Variants in ADRA1A observed in about 807,000 individuals in gnomAD.
ADRA1A encodes the protein alpha-1A adrenergic receptor.
Under a neutral mutation model 29.6 loss-of-function variants are expected in ADRA1A, and 31 were observed. That is an observed-to-expected ratio of 1.05 (90% CI 0.79 to 1.41). The LOEUF (loss-of-function observed/expected upper bound fraction) is 1.41, where lower values mean the gene tolerates loss of function less well. ADRA1A is among the 40% of genes most tolerant of loss of function. The pLI is 0.00. For missense variants in ADRA1A, 619 were observed against 601.1 expected (o/e 1.03, Z -0.31); for synonymous variants, 311 against 254.3 (o/e 1.22, Z -2.12).
chr8:26,849,878 A>T (rs1428429997), intron 2 of ADRA1A, among the ~76,000 whole-genome samples: 1 of 152,098 alleles, frequency 6.6e-6, no homozygotes, highest in African/African-American at 2.4e-5. Context: ...GAAGATGGAC[A>T]GTGTGCCCAC....
chr8:26,779,068 C>T (rs4732646), intron 2 of ADRA1A: 93,781 of 376,532 alleles, frequency 0.25, 16,208 homozygotes, highest in East Asian at 0.8. Context: ...ATTTATTTCA[C>T]GGTACATATC....
Position 26,865,388 on chromosome 8 carries a change from G to C in ADRA1A, c.-419C>G, listed in dbSNP as rs1813833000. On this transcript the variant is annotated 5_prime_UTR_variant, in exon 2 of 3. Coordinates refer to ENST00000380573, the MANE Select transcript of ADRA1A (RefSeq NM_000680.4). The surrounding 1 kb of genome is among the most constrained non-coding windows in gnomAD (Gnocchi z 7.6). Reference sequence around the variant, plus strand: ...TGGCTGGGGGAAGATTCAGCATTCTGCACATGATTCGGAATTCAAAACTCC... The same window carrying C: ...TGGCTGGGGGAAGATTCAGCATTCTCCACATGATTCGGAATTCAAAACTCC... 2 of 1,015,016 alleles carry C rather than the reference G, an allele frequency of 2.0e-6. No homozygotes were observed. Among genetic ancestry groups the C allele is most frequent in the African/African-American group, 3.5e-5 (2 of 57,960 alleles). 62.9% of individuals were successfully genotyped at this position (1,015,016 alleles called of 1,614,324 possible).
At chr8:26,774,667 T>TAA (rs778840683) in intron 2 of ADRA1A, among the ~76,000 whole-genome samples, 6 of 131,228 alleles carry the variant, frequency 4.6e-5, no homozygotes, top group Non-Finnish European at 8.3e-5. Flanking sequence ...AACCCCTGTC[T>TAA]AAAAAAAAAA....
intron 2 of ADRA1A, among the ~76,000 whole-genome samples, chr8:26,780,121 C>T (rs747955843): frequency 1.3e-5 from 2 of 151,104 alleles, no homozygotes; most frequent in African/African-American, 2.4e-5. Flanking sequence ...CATTCAAGGC[C>T]CCTTTATTAT....
At chr8:26,800,167 G>A (rs34351589) in intron 2 of ADRA1A, among the ~76,000 whole-genome samples, 13,201 of 152,150 alleles carry the variant, frequency 0.087, 906 homozygotes, top group East Asian at 0.33. Flanking sequence ...GCTGAGGCAA[G>A]AGAATTGCTT....
intron 2 of ADRA1A, among the ~76,000 whole-genome samples, chr8:26,785,948 A>T (rs907993837): frequency 3.9e-5 from 6 of 152,024 alleles, no homozygotes; most frequent in Non-Finnish European, 7.4e-5. Flanking sequence ...GTCAGGCCCT[A>T]CTCAGCCACA....
At position 26,839,349 on chromosome 8, in the gene ADRA1A, G is replaced by A. The variant is rs370459671; in HGVS notation, c.883+24738C>T. On this transcript the variant is annotated intron_variant, in intron 2 of 2. Coordinates refer to ENST00000380573, the MANE Select transcript of ADRA1A (RefSeq NM_000680.4). ...CATTTTTTGTGTCTTTAGTAGAGAC[G>A]GGGTTTCACTGTGTTAGCCAGGATG... Among the ~76,000 whole-genome samples, 23 of 152,112 alleles carry A rather than the reference G, an allele frequency of 1.5e-4. No individual in the cohort carries two copies. In the East Asian group the frequency reaches 4.3e-3, roughly 28 times the overall value.
chr8:26,826,633 T>C (rs940024267), intron 2 of ADRA1A, among the ~76,000 whole-genome samples: 1 of 152,210 alleles, frequency 6.6e-6, no homozygotes, highest in African/African-American at 2.4e-5. Context: ...GTCTGACCCC[T>C]GCGGTGCTCA....
chr8:26,779,323 C>T (rs1343192334), intron 2 of ADRA1A: 1 of 702,910 alleles, frequency 1.4e-6, no homozygotes, highest in Non-Finnish European at 2.6e-6. Flanking sequence ...GAAACACCTT[C>T]CAAATTTTCC....
chr8:26,751,264 T>C (rs961438728), intron 2 of ADRA1A, among the ~76,000 whole-genome samples: 1 of 152,164 alleles, frequency 6.6e-6, no homozygotes, highest in African/African-American at 2.4e-5. Context: ...AATGAGTATA[T>C]GGATCAGAAC....
Position 26,833,166 on chromosome 8 carries a change from G to T in ADRA1A, c.883+30921C>A, listed in dbSNP as rs183671135. On this transcript the variant is annotated intron_variant, in intron 2 of 2. Transcript: ENST00000380573. ...AGTATAAAATTTATTTCTAACACTG[G>T]TGAGTCTGAAGCCTCACTGGACCCC... 3.9e-4 allele frequency among the ~76,000 whole-genome samples: 59 copies of T among 152,272 alleles called. No homozygotes were observed. In the East Asian group the frequency reaches 6.4e-3, roughly 16 times the overall value.
intron 2 of ADRA1A, among the ~76,000 whole-genome samples, chr8:26,847,499 T>C (rs1397301324): frequency 1.3e-5 from 2 of 152,192 alleles, no homozygotes; most frequent in East Asian, 3.9e-4. Context: ...AAATTCCAGG[T>C]AAATGTCCAA....
rs370470689 is a variant in ADRA1A at position 26,855,508 on chromosome 8, A to C, written c.883+8579T>G. On this transcript the variant is annotated intron_variant, in intron 2 of 2. Transcript: ENST00000380573. ...AGGAGAAATATAAGTGATGGATAAAAATATAAAAAGAAATGTTCAAATAAG... is the reference window on the plus strand; with the variant it reads ...AGGAGAAATATAAGTGATGGATAAACATATAAAAAGAAATGTTCAAATAAG... 3.9e-5 allele frequency among the ~76,000 whole-genome samples: 6 copies of C among 152,158 alleles called. No homozygotes were observed. In the East Asian group the frequency reaches 1.2e-3, roughly 29 times the overall value.
intron 2 of ADRA1A, among the ~76,000 whole-genome samples, chr8:26,838,612 A>AC (rs1275400528): frequency 6.6e-6 from 1 of 152,224 alleles, no homozygotes; most frequent in African/African-American, 2.4e-5. Flanking sequence ...CACTTTCATC[A>AC]TTCAGCTGGT....
In ADRA1A at chr8:26,864,156, T is replaced by C. The variant is rs1813685951; in HGVS notation, c.814A>G (p.Lys272Glu). 6.2e-7 allele frequency: 1 copy of C among 1,614,020 alleles called. No homozygotes were observed. Among genetic ancestry groups the C allele is most frequent in the Non-Finnish European group, 8.5e-7 (1 of 1,180,042 alleles). The change falls in exon 2 of 3, where the codon AAA (lysine) becomes GAA (glutamate). Residue 272 changes from lysine (K) to glutamate (E), a missense_variant. By Grantham distance (56) the Lys-to-Glu change is moderately conservative (BLOSUM62 1). Coordinates refer to ENST00000380573, the MANE Select transcript of ADRA1A (RefSeq NM_000680.4). The surrounding 1 kb of genome is among the most constrained non-coding windows in gnomAD (Gnocchi z 8.1). ...CAGCCGACCACGATGCCCAGCGTTT[T>C]GGCCGCTTTCTTCTCCCGGGAGAAC... ...LKFSREKKAA[K>E]TLGIVVGCFV...
chr8:26,782,166 G>A (rs1182550553), intron 2 of ADRA1A, among the ~76,000 whole-genome samples: 1 of 152,124 alleles, frequency 6.6e-6, no homozygotes, highest in African/African-American at 2.4e-5. Flanking sequence ...CCCCTGCCTG[G>A]ATTAAGCTAG....
Position 26,858,840 on chromosome 8 carries a change from A to T in ADRA1A, c.883+5247T>A, listed in dbSNP as rs371844562. Among the ~76,000 whole-genome samples, 11 of 152,302 alleles carry T rather than the reference A, an allele frequency of 7.2e-5. No individual in the cohort carries two copies. The East Asian group carries it at 2.1e-3, about 29-fold the overall frequency. On this transcript the variant is annotated intron_variant, in intron 2 of 2. Coordinates refer to ENST00000380573, the MANE Select transcript of ADRA1A (RefSeq NM_000680.4). ...AAGGCATTCTGAATTTCAACCAAAC[A>T]TTTAGGATGCAAAAATGGAACAAGA...
intron 2 of ADRA1A, among the ~76,000 whole-genome samples, chr8:26,826,141 C>T (rs183759256): frequency 1.5e-3 from 234 of 152,346 alleles, no homozygotes; most frequent in African/African-American, 5.1e-3. Flanking sequence ...CTTCCTCAGG[C>T]CATGGAACCT....
downstream of ADRA1A, chr8:26,765,963 A>G (rs78378625): frequency 1.4e-6 from 1 of 728,394 alleles, no homozygotes; most frequent in East Asian, 8.4e-5. Context: ...GTTTTCACTT[A>G]GGAACAAGCG....
Sources: gnomAD v4.1 joint callset for allele counts (sites outside exome capture counted in the v4.1 genomes callset) on GRCh38, gnomAD v4.1.1 for gene constraint, Gnocchi (gnomAD v3.1) non-coding constraint, MANE v1.5 for transcripts, NCBI Gene and HGNC (gene_info 2026-07-23, HGNC 2026-07-21) for gene names.